Variants in SLC4A8 observed in about 807,000 individuals in gnomAD.
SLC4A8 encodes solute carrier family 4 member 8.
A neutral mutation model predicts 125.0 loss-of-function variants in SLC4A8; 40 were observed. The observed-to-expected ratio is 0.32, with a 90% CI of 0.25 to 0.42. SLC4A8 has a LOEUF of 0.42. SLC4A8 is among the 10% of genes least tolerant of loss of function. The pLI is 1.00. For missense variants in SLC4A8, 863 were observed against 1,355.1 expected (o/e 0.64, Z 5.70); for synonymous variants, 456 against 476.0 (o/e 0.96, Z 0.55).
chr12:51,400,769 T>TACACACACACACAC (rs1948365384), intron 1 of SLC4A8, among the ~76,000 whole-genome samples: 1 of 6,160 alleles, frequency 1.6e-4, no homozygotes, highest in African/African-American at 4.8e-4. Context: ...TATATATATA[T>TACACACACACACAC]ATATATATAC....
rs189680970 is a variant in SLC4A8 at position 51,462,693 on chromosome 12, G to A, written c.1248+237G>A. On this transcript the variant is annotated intron_variant, in intron 10 of 24. Transcript: ENST00000453097. ...AGATCACCTGAGGTCAGGAGTTTGAGACCAGCCTGGCCAACATGGTGAAAC... is the reference window on the plus strand; with the variant it reads ...AGATCACCTGAGGTCAGGAGTTTGAAACCAGCCTGGCCAACATGGTGAAAC... The A allele has an allele frequency of 2.2e-3, 631 of 288,160 alleles. 7 individuals are homozygous for A. Among genetic ancestry groups the A allele is most frequent in the Middle Eastern group, 5.2e-3 (5 of 958 alleles). 17.9% of individuals were successfully genotyped at this position (288,160 alleles called of 1,614,324 possible).
intron 2 of SLC4A8, among the ~76,000 whole-genome samples, chr12:51,446,356 C>T (rs1292340355): frequency 3.3e-5 from 5 of 152,228 alleles, no homozygotes; most frequent in African/African-American, 1.2e-4. Context: ...TCATCTTATC[C>T]TCTAATCCTT....
At chr12:51,453,257 C>A (rs549525944) in intron 4 of SLC4A8, among the ~76,000 whole-genome samples, 10 of 152,272 alleles carry the variant, frequency 6.6e-5, no homozygotes, top group African/African-American at 2.4e-4. Context: ...AATTCCACAA[C>A]TGCAGGGTTA....
At position 51,433,878 on chromosome 12, in the gene SLC4A8, TG is replaced by T. The variant is rs747161275; in HGVS notation, c.49-6828del. The stretch of plus-strand genomic sequence containing the variant: ...TTTTTTTTTTTTTTTTTTTTTTTTT[TG>T]GTTGGTTTTTTTTTGAGACAGGGTC... On this transcript the variant is annotated intron_variant, in intron 1 of 24. Transcript: ENST00000453097. Among the ~76,000 whole-genome samples, 18 of 38,834 alleles carry T rather than the reference TG, an allele frequency of 4.6e-4. 1 individual carries two copies. The highest frequency in any genetic ancestry group is 1.8e-3 in the South Asian group (2 of 1,126). 25.5% of individuals were successfully genotyped at this position (38,834 alleles called of 152,430 possible).
chr12:51,457,598 G>A, intron 6 of SLC4A8, 59 bp downstream of exon 6: 1 of 1,478,608 alleles, frequency 6.8e-7, no homozygotes. Context: ...ACTAGTTGGA[G>A]ATGCTGACTT....
At position 51,507,459 on chromosome 12, in the gene SLC4A8, G is replaced by C. The variant is rs1290536874; in HGVS notation, c.*21G>C. The C allele has an allele frequency of 7.2e-7, 1 of 1,389,072 alleles. No homozygotes were observed. The highest frequency in any genetic ancestry group is 9.4e-7 in the Non-Finnish European group (1 of 1,064,582). The allele number at this position is 1,389,072 out of a possible 1,614,324, so 86.0% of individuals were successfully genotyped here. On this transcript the variant is annotated 3_prime_UTR_variant, in exon 25 of 25. Coordinates refer to ENST00000453097, the MANE Select transcript of SLC4A8 (RefSeq NM_001039960.3). ...ACTAAGAGTCTTTGCTGGGATGGAA[G>C]ATTTGGGCCGTGTGGTGCCTCAGGG...
At position 51,446,971 on chromosome 12, in the gene SLC4A8, C is replaced by T. The variant is rs532201782; in HGVS notation, c.131-3905C>T. On this transcript the variant is annotated intron_variant, in intron 2 of 24. Transcript: ENST00000453097. ...AAGAGAGATAGCTGCTTAACTTTAA[C>T]GCAAAATAGAAAAATAAGTACATGA... is the stretch of plus-strand genomic sequence containing the variant. Among the ~76,000 whole-genome samples the T allele has an allele frequency of 1.2e-4, 18 of 152,278 alleles. 1 individual carries two copies. The highest frequency in any genetic ancestry group is 4.1e-4 in the South Asian group (2 of 4,832).
chr12:51,449,843 A>G (rs562474507), intron 2 of SLC4A8, among the ~76,000 whole-genome samples: 5 of 152,146 alleles, frequency 3.3e-5, no homozygotes, highest in Admixed American at 6.5e-5. Context: ...AGCTTGGGCA[A>G]CGTGGCGAGA....
In SLC4A8 at chr12:51,461,276, C is replaced by A; in HGVS notation, c.1086C>A (p.Thr362=). 6.2e-7 allele frequency: 1 copy of A among 1,603,730 alleles called. No homozygotes were observed. The highest frequency in any genetic ancestry group is 8.5e-7 in the Non-Finnish European group (1 of 1,170,662). The change falls in exon 9 of 25, where the codon ACC becomes ACA. Residue 362 remains threonine (T), a synonymous_variant. Transcript: ENST00000453097. The part of the protein sequence containing the change: ...QYHEIGRSMA[T]IMTDEIFHDV... ...ATGAGATTGGCAGATCCATGGCCAC[C>A]ATCATGACAGATGAGGTATGTGCAA...
chr12:51,392,176 G>A (rs1417570548), intron 1 of SLC4A8: 1 of 152,422 alleles, frequency 6.6e-6, no homozygotes, highest in African/African-American at 2.4e-5. Context: ...AACCTACTAT[G>A]ATTATTCCGA....
rs1938228623 is a variant in SLC4A8 at position 51,507,624 on chromosome 12, A to G, written c.*186A>G. ...CATTGGAAGGCATCCAGCTATCCCC[A>G]TACCAGCAGCCAGTCACCAGATGTG... is the stretch of plus-strand genomic sequence containing the variant. On this transcript the variant is annotated 3_prime_UTR_variant, in exon 25 of 25. Transcript: ENST00000453097. 1 of 454,066 alleles carries G rather than the reference A, an allele frequency of 2.2e-6. No homozygotes were observed. Among genetic ancestry groups the G allele is most frequent in the African/African-American group, 2.0e-5 (1 of 50,306 alleles). 28.1% of individuals were successfully genotyped at this position (454,066 alleles called of 1,614,324 possible).
intron 1 of SLC4A8, among the ~76,000 whole-genome samples, chr12:51,433,864 T>G (rs1376426349): frequency 4.2e-5 from 3 of 70,926 alleles, no homozygotes; most frequent in African/African-American, 5.8e-5. Context: ...TTTTTTTTTT[T>G]TTTTTTTTTT....
intron 20 of SLC4A8, 57 bp from the exon 21 acceptor site, chr12:51,494,887 AC>A: frequency 6.8e-7 from 1 of 1,477,556 alleles, no homozygotes; most frequent in Non-Finnish European, 9.4e-7. Flanking sequence ...AATTGGTCTA[AC>A]AAAGCTTCTG....
chr12:51,436,515 G>A lies in SLC4A8; in HGVS notation c.49-4193G>A, dbSNP rs564233649. On this transcript the variant is annotated intron_variant, in intron 1 of 24. Transcript: ENST00000453097. The stretch of plus-strand genomic sequence containing the variant: ...AATAAGGCATATTCAAAAAAGTCTA[G>A]TTTCTATCTTTGTCTCTTCCATCTT... Among the ~76,000 whole-genome samples, 7 of 152,132 alleles carry A rather than the reference G, an allele frequency of 4.6e-5. No homozygotes were observed. The South Asian group carries it at 1.5e-3, about 32-fold the overall frequency.
chr12:51,503,127 C>A (rs1405833657), intron 22 of SLC4A8, among the ~76,000 whole-genome samples: 1 of 151,650 alleles, frequency 6.6e-6, no homozygotes, highest in Non-Finnish European at 1.5e-5. Flanking sequence ...CAGGCCTGAG[C>A]CACCGCACCC....
chr12:51,395,259 G>A (rs920976055), intron 1 of SLC4A8, among the ~76,000 whole-genome samples: 1 of 151,958 alleles, frequency 6.6e-6, no homozygotes, highest in Non-Finnish European at 1.5e-5. Context: ...TCCCATAAGC[G>A]CTTCTGCAGG....
intron 5 of SLC4A8, among the ~76,000 whole-genome samples, chr12:51,455,640 G>A (rs2884799): frequency 0.4 from 61,040 of 151,922 alleles, 12,687 homozygotes; most frequent in Non-Finnish European, 0.45. Flanking sequence ...TCTTGAATTG[G>A]TTCTGTTTGG....
intron 1 of SLC4A8, among the ~76,000 whole-genome samples, chr12:51,395,793 C>T (rs1948248606): frequency 6.6e-6 from 1 of 152,212 alleles, no homozygotes; most frequent in Non-Finnish European, 1.5e-5. Context: ...TCCCTCCCTA[C>T]CTCTTTGTTT....
At chr12:51,474,574 A>G in intron 15 of SLC4A8, 127 bp downstream of exon 15, 1 of 1,441,326 alleles carries the variant, frequency 6.9e-7, no homozygotes, top group Non-Finnish European at 9.2e-7. Flanking sequence ...TTTTTAAAAA[A>G]CAATTCTTAC....
Sources: allele counts gnomAD v4.1 joint callset (sites outside exome capture counted in the v4.1 genomes callset), GRCh38; gene constraint gnomAD v4.1.1; transcripts MANE v1.5; gene names NCBI Gene and HGNC (gene_info 2026-07-23, HGNC 2026-07-21).